ACADVL: variants seen among roughly 807,000 people sequenced by gnomAD.
ACADVL encodes acyl-CoA dehydrogenase very long chain, also known as very long-chain acyl-CoA dehydrogenase, mitochondrial.
A neutral mutation model predicts 80.4 loss-of-function variants in ACADVL; 73 were observed. The observed-to-expected ratio is 0.91, with a 90% CI of 0.75 to 1.10. The LOEUF (loss-of-function observed/expected upper bound fraction) is 1.10. Among genes scored for constraint, ACADVL ranks in the 50% least tolerant of loss-of-function variants. The pLI, the probability that ACADVL is intolerant of heterozygous loss-of-function variation, is 0.00. For missense variants in ACADVL, 878 were observed against 858.9 expected (o/e 1.02, Z -0.28); for synonymous variants, 392 against 326.5 (o/e 1.20, Z -2.16).
chr17:7,223,444 G>A (rs956482351), intron 11 of ACADVL, 200 bp from the exon 12 acceptor site: 4 of 810,196 alleles, frequency 4.9e-6, no homozygotes, highest in Non-Finnish European at 6.4e-6. Context: ...AGTACCAGAA[G>A]TTAATTCTAC....
At chr17:7,224,608 C>CGG in intron 17 of ACADVL, 34 bp from the exon 18 acceptor site, 3 of 1,459,388 alleles carry the variant, frequency 2.1e-6, no homozygotes, top group Non-Finnish European at 2.8e-6. Context: ...AGACTAATGC[C>CGG]CCCACCCCCA....
At chr17:7,219,912 G>GT (rs369086959), upstream of ACADVL, 1 of 692,578 alleles carries the variant, frequency 1.4e-6, no homozygotes, top group Non-Finnish European at 2.1e-6. Context: ...GGTTAGGGGC[G>GT]CCAGGACGTG....
In ACADVL at chr17:7,220,842, C is replaced by G. The variant is rs1023663016; in HGVS notation, c.342+12C>G. The G allele has an allele frequency of 1.2e-6, 2 of 1,614,084 alleles. No homozygotes were observed. Among genetic ancestry groups the G allele is most frequent in the Non-Finnish European group, 1.7e-6 (2 of 1,180,038 alleles). On this transcript the variant is annotated intron_variant, in intron 5 of 19. Coordinates refer to ENST00000356839, the MANE Select transcript of ACADVL (RefSeq NM_000018.4). ...CCCGTTTCTTCGAGGTAAGGAATGA[C>G]TCGGGGCTTGGTCCCTGGTGAGGTG...
At chr17:7,218,279 T>C (rs372731000), upstream of ACADVL, 50 of 1,608,998 alleles carry the variant, frequency 3.1e-5, no homozygotes, top group Non-Finnish European at 4.1e-5. Context: ...TAGTCCAGGA[T>C]GTCTGTCACA....
At chr17:7,220,385 C>T in intron 2 of ACADVL, 79 bp from the exon 3 acceptor site, 2 of 1,600,692 alleles carry the variant, frequency 1.2e-6, no homozygotes, top group Non-Finnish European at 1.7e-6. Context: ...GCGCCGCCTC[C>T]CCGCGCGGCT....
chr17:7,223,198 GA>G lies in ACADVL; in HGVS notation c.1145del (p.Lys382SerfsTer11), dbSNP rs1281137823. On this transcript the variant is annotated frameshift_variant, in exon 11 of 20. Transcript: ENST00000356839. LOFTEE classifies it high-confidence loss of function. ...KIHNFGLIQE[K>X]LARMVMLQYV... ...TTCACAACTTTGGGCTGATCCAGGA[GA>G]AGCTGGCACGGATGGTTATGCTGCA... The G allele has an allele frequency of 1.2e-6, 2 of 1,614,000 alleles. No individual in the cohort carries two copies. The highest frequency in any genetic ancestry group is 1.7e-6 in the Non-Finnish European group (2 of 1,179,986).
Position 7,219,983 on chromosome 17 carries a change from A to G in ACADVL, c.-2A>G. The G allele has an allele frequency of 6.2e-7, 1 of 1,602,190 alleles. No individual in the cohort carries two copies. The highest frequency in any genetic ancestry group is 8.5e-7 in the Non-Finnish European group (1 of 1,177,576). On this transcript the variant is annotated 5_prime_UTR_variant, in exon 1 of 20. Coordinates refer to ENST00000356839, the MANE Select transcript of ACADVL (RefSeq NM_000018.4). ...GCCAGCGGCGCCCGGAGAGATTCGG[A>G]GATGCAGGCGGCTCGGATGGCCGCG...
intron 6 of ACADVL, chr17:7,221,297 T>A: frequency 1.1e-6 from 1 of 924,292 alleles, no homozygotes; most frequent in Non-Finnish European, 1.6e-6. Context: ...GGGGATTGCC[T>A]AACAATAGAC....
rs764376179 is a variant in ACADVL at position 7,222,103 on chromosome 17, C to G, written c.752+22C>G. On this transcript the variant is annotated intron_variant, in intron 8 of 19. Coordinates refer to ENST00000356839, the MANE Select transcript of ACADVL (RefSeq NM_000018.4). ...TCAGGCAACCTGCCTCCCATTTCTCCCCTTCTCCTCCGCCCAATTCCAGGC... is the reference window on the plus strand; with the variant it reads ...TCAGGCAACCTGCCTCCCATTTCTCGCCTTCTCCTCCGCCCAATTCCAGGC... The G allele has an allele frequency of 1.9e-6, 3 of 1,614,034 alleles. No individual in the cohort carries two copies. In the African/African-American group the frequency reaches 4.0e-5, roughly 22 times the overall value.
At chr17:7,218,632 C>T, upstream of ACADVL, 1 of 1,561,482 alleles carries the variant, frequency 6.4e-7, no homozygotes, top group Non-Finnish European at 8.7e-7. Context: ...AGAGGGCTGA[C>T]CTGGGAGCTA....
chr17:7,218,530 G>C (rs759197027), upstream of ACADVL: 4 of 1,555,330 alleles, frequency 2.6e-6, no homozygotes, highest in South Asian at 1.2e-5. Flanking sequence ...CTCAGAAAAC[G>C]GGCTACTCAC....
chr17:7,224,605 T>C, intron 17 of ACADVL, 37 bp from the exon 18 acceptor site: 1 of 1,572,996 alleles, frequency 6.4e-7, no homozygotes, highest in Non-Finnish European at 8.6e-7. Context: ...TTGAGACTAA[T>C]GCCCCCACCC....
At chr17:7,222,624 C>T (rs750153222) in intron 9 of ACADVL, 43 bp from the exon 10 acceptor site, 4 of 1,562,276 alleles carry the variant, frequency 2.6e-6, no homozygotes, top group Non-Finnish European at 3.5e-6. Flanking sequence ...CCAGTGACAA[C>T]CTGTTGAACA....
At chr17:7,223,779 C>T in intron 12 of ACADVL, 34 bp from the exon 13 acceptor site, 1 of 1,614,066 alleles carries the variant, frequency 6.2e-7, no homozygotes, top group Non-Finnish European at 8.5e-7. Context: ...GTGCTCAGCT[C>T]CCAAAACCAG....
At chr17:7,217,931 G>C (rs927384016), upstream of ACADVL, 8 of 1,040,916 alleles carry the variant, frequency 7.7e-6, no homozygotes, top group Non-Finnish European at 1.1e-5. Context: ...TCGGGTGTGA[G>C]GGAGGAGCTG....
intron 16 of ACADVL, 41 bp from the exon 17 acceptor site, chr17:7,224,439 C>T (rs770311521): frequency 3.7e-6 from 6 of 1,613,634 alleles, no homozygotes; most frequent in East Asian, 4.5e-5. Flanking sequence ...GGACTGCAGC[C>T]GATGGCCCCT....
At chr17:7,217,675 G>T (rs764930453), upstream of ACADVL, 16 of 1,487,208 alleles carry the variant, frequency 1.1e-5, no homozygotes, top group Middle Eastern at 1.9e-4. Context: ...GCCAGAATGG[G>T]GGGGGTGCCT....
At chr17:7,223,271 C>G in intron 11 of ACADVL, 34 bp downstream of exon 11, 6 of 1,573,776 alleles carry the variant, frequency 3.8e-6, no homozygotes, top group Non-Finnish European at 5.2e-6. Context: ...CCCTGGAGCC[C>G]TGGGGCTTTC....
At chr17:7,218,905 T>C, upstream of ACADVL, 2 of 1,586,360 alleles carry the variant, frequency 1.3e-6, no homozygotes, top group Non-Finnish European at 1.7e-6. Flanking sequence ...GTTGAGCTGC[T>C]TCTCCCCACT....
Sources: gnomAD v4.1 joint callset for allele counts on GRCh38, gnomAD v4.1.1 for gene constraint, MANE v1.5 for transcripts, NCBI Gene and HGNC (gene_info 2026-07-23, HGNC 2026-07-21) for gene names.